Variants in ARHGAP6 observed in about 807,000 individuals in gnomAD.
ARHGAP6 encodes rho GTPase-activating protein 6.
Under a neutral mutation model 55.7 loss-of-function variants are expected in ARHGAP6, and 16 were observed. The observed-to-expected ratio is 0.29, with a 90% CI of 0.19 to 0.44. ARHGAP6 has a LOEUF of 0.44. Ranked by LOEUF, ARHGAP6 falls within the 20% of genes least tolerant of loss-of-function variation. The probability of loss-of-function intolerance (pLI) is 1.00; values close to 1 mark genes in which losing one functional copy is unlikely to be tolerated. For missense variants in ARHGAP6, 698 were observed against 808.9 expected (o/e 0.86, Z 1.66); for synonymous variants, 382 against 360.9 (o/e 1.06, Z -0.66).
At chrX:11,349,894 T>C (rs2048837566) in intron 1 of ARHGAP6, among the ~76,000 whole-genome samples, 1 of 112,268 alleles carries the variant, frequency 8.9e-6, no homozygotes, top group Non-Finnish European at 1.9e-5. Flanking sequence ...CCAGAATCAG[T>C]GGATTCTTGC....
At chrX:11,336,797 A>G (rs192128929) in intron 1 of ARHGAP6, among the ~76,000 whole-genome samples, 15 of 111,995 alleles carry the variant, frequency 1.3e-4, no homozygotes, top group Non-Finnish European at 2.3e-4. Context: ...AGCAACATTC[A>G]TCTGGGTTCT....
chrX:11,169,927 T>C (rs192302752), intron 8 of ARHGAP6, among the ~76,000 whole-genome samples: 15 of 110,858 alleles, frequency 1.4e-4, no homozygotes, highest in Admixed American at 1.2e-3. Flanking sequence ...AACTCTAAGT[T>C]GTTTATTGTA....
chrX:11,222,154 A>C (rs1284048542), intron 2 of ARHGAP6, among the ~76,000 whole-genome samples: 2 of 112,246 alleles, frequency 1.8e-5, no homozygotes, highest in Non-Finnish European at 3.8e-5. Flanking sequence ...TTGGATCCAA[A>C]AACTCATAAA....
chrX:11,140,098 T>C (rs1449909265), intron 12 of ARHGAP6, among the ~76,000 whole-genome samples: 1 of 110,255 alleles, frequency 9.1e-6, no homozygotes, highest in East Asian at 2.8e-4. Context: ...CATGGCAGTT[T>C]CCAGCCTCTC....
chrX:11,253,710 T>C (rs1196010782), intron 2 of ARHGAP6, among the ~76,000 whole-genome samples: 3 of 111,261 alleles, frequency 2.7e-5, no homozygotes, highest in Non-Finnish European at 5.7e-5. Context: ...ATTGAGGCTA[T>C]CCTGGCCAAC....
chrX:11,272,577 T>G (rs1048901411), intron 1 of ARHGAP6, among the ~76,000 whole-genome samples: 2 of 110,349 alleles, frequency 1.8e-5, no homozygotes, highest in Non-Finnish European at 3.8e-5. Flanking sequence ...GCCAGATTTC[T>G]CCCACACCGA....
intron 1 of ARHGAP6, among the ~76,000 whole-genome samples, chrX:11,290,748 G>A (rs2047980564): frequency 9.0e-6 from 1 of 111,667 alleles, no homozygotes; most frequent in African/African-American, 3.3e-5. Flanking sequence ...CCCGAGTGCT[G>A]TTGAAACCCA....
intron 9 of ARHGAP6, among the ~76,000 whole-genome samples, chrX:11,165,325 A>C (rs754995820): frequency 2.5e-4 from 28 of 111,276 alleles, no homozygotes; most frequent in Non-Finnish European, 4.3e-4. Flanking sequence ...AAAATAAGTA[A>C]ATTATATAGT....
chrX:11,596,933 T>C (rs1265428480), intron 1 of ARHGAP6, among the ~76,000 whole-genome samples: 6 of 112,011 alleles, frequency 5.4e-5, no homozygotes, highest in Non-Finnish European at 9.4e-5. Context: ...GCTATTATTT[T>C]GATATGTAGC....
intron 1 of ARHGAP6, among the ~76,000 whole-genome samples, chrX:11,636,885 T>C (rs780538805): frequency 2.2e-4 from 24 of 111,492 alleles, no homozygotes; most frequent in African/African-American, 7.8e-4. Context: ...AACCATAAAA[T>C]ATGAAATTCA....
intron 1 of ARHGAP6, among the ~76,000 whole-genome samples, chrX:11,477,882 T>C (rs2050419192): frequency 8.9e-6 from 1 of 111,951 alleles, no homozygotes; most frequent in African/African-American, 3.2e-5. Flanking sequence ...GTTTCTTTTA[T>C]GGTGATGGAA....
At chrX:11,257,158 C>A (rs967477926) in intron 1 of ARHGAP6, among the ~76,000 whole-genome samples, 1 of 111,500 alleles carries the variant, frequency 9.0e-6, no homozygotes, top group Non-Finnish European at 1.9e-5. Flanking sequence ...TTATTATTTT[C>A]TCCCAGATAG....
In ARHGAP6 at chrX:11,139,297, C is replaced by T. The variant is rs1284601261; in HGVS notation, c.2491G>A (p.Glu831Lys). ...TGCTCCGACCTGGCCGTGGGCCGCT[C>T]GGCTTTCCCTGCCACCTGGACGTGG... Reference protein sequence around the residue: ...TPHVQVAGKAERPTARSEQYL... With the variant: ...TPHVQVAGKAKRPTARSEQYL... Residue 831 changes from glutamate to lysine, a missense_variant, in exon 13 of 13, where the codon GAG becomes AAG. Transcript: ENST00000337414. 1 of 1,186,998 alleles carries T rather than the reference C, an allele frequency of 8.4e-7. No individual in the cohort carries two copies. Among genetic ancestry groups the T allele is most frequent in the Non-Finnish European group, 1.1e-6 (1 of 883,884 alleles).
chrX:11,610,701 T>C (rs1037757663), intron 1 of ARHGAP6, among the ~76,000 whole-genome samples: 3 of 112,609 alleles, frequency 2.7e-5, no homozygotes, highest in South Asian at 3.7e-4. Flanking sequence ...ATACATATGA[T>C]AAAATTCAGA....
intron 2 of ARHGAP6, among the ~76,000 whole-genome samples, chrX:11,232,960 C>A (rs1201754202): frequency 1.8e-5 from 2 of 112,119 alleles, no homozygotes; most frequent in Non-Finnish European, 3.8e-5. Flanking sequence ...GGTATGTTCC[C>A]AGCCATACAG....
In ARHGAP6 at chrX:11,199,763, A is replaced by AT. The variant is rs746492448; in HGVS notation, c.749-2768dup. ...AAAACACTTAATTACTTACAACAAAATTTTTTCACTTAATTAGATAGCGGT... is the reference window on the plus strand; with the variant it reads ...AAAACACTTAATTACTTACAACAAAATTTTTTTCACTTAATTAGATAGCGGT... On this transcript the variant is annotated intron_variant, in intron 2 of 12. Coordinates refer to ENST00000337414, the MANE Select transcript of ARHGAP6 (RefSeq NM_013427.3). 8.0e-5 allele frequency among the ~76,000 whole-genome samples: 9 copies of AT among 112,158 alleles called. No homozygotes were observed. The South Asian group carries it at 3.3e-3, about 41-fold the overall frequency.
chrX:11,192,315 AT>A (rs1157968589), intron 3 of ARHGAP6, among the ~76,000 whole-genome samples: 2 of 110,402 alleles, frequency 1.8e-5, no homozygotes, highest in African/African-American at 6.6e-5. Flanking sequence ...TCTTTTTTCC[AT>A]TTACTTCTCT....
intron 6 of ARHGAP6, 149 bp downstream of exon 6, chrX:11,181,914 T>G: frequency 2.3e-6 from 1 of 433,620 alleles, no homozygotes; most frequent in East Asian, 4.8e-5. Context: ...GCCTTTTACC[T>G]CCTGGAATTC....
At chrX:11,545,153 A>C (rs1348513520) in intron 1 of ARHGAP6, among the ~76,000 whole-genome samples, 1 of 111,779 alleles carries the variant, frequency 8.9e-6, no homozygotes, top group East Asian at 2.8e-4. Flanking sequence ...AGTGTTCTAC[A>C]TGGTACAAGA....
Sources: allele counts gnomAD v4.1 joint callset (sites outside exome capture counted in the v4.1 genomes callset), GRCh38; gene constraint gnomAD v4.1.1; transcripts MANE v1.5; gene names NCBI Gene and HGNC (gene_info 2026-07-23, HGNC 2026-07-21).